The following ANKRD28 variants were observed in gnomAD, a reference collection of about 807,000 sequenced individuals.
ANKRD28 encodes the protein ankyrin repeat domain 28, also known as serine/threonine-protein phosphatase 6 regulatory ankyrin repeat subunit A.
A neutral mutation model predicts 126.5 loss-of-function variants in ANKRD28; 44 were observed. The ratio of observed to expected loss-of-function variants is 0.35; its 90% CI spans 0.27 to 0.45. ANKRD28 has a LOEUF of 0.45. ANKRD28 is among the 20% of genes least tolerant of loss of function. The probability of loss-of-function intolerance (pLI) is 1.00; values close to 1 mark genes in which losing one functional copy is unlikely to be tolerated. For missense variants in ANKRD28, 1,110 were observed against 1,316.6 expected (o/e 0.84, Z 2.43); for synonymous variants, 442 against 468.5 (o/e 0.94, Z 0.73).
intron 2 of ANKRD28, among the ~76,000 whole-genome samples, chr3:15,785,981 G>T (rs2125732627): frequency 6.6e-6 from 1 of 152,038 alleles, no homozygotes; most frequent in East Asian, 1.9e-4. Context: ...TGACATTTTG[G>T]AAAAGGCAAA....
chr3:15,724,389 C>T lies in ANKRD28; in HGVS notation c.776G>A (p.Gly259Glu). 2.5e-6 allele frequency: 4 copies of T among 1,604,832 alleles called. No individual in the cohort carries two copies. Among genetic ancestry groups the T allele is most frequent in the East Asian group, 2.2e-5 (1 of 44,720 alleles). Residue 259 changes from glycine (G) to glutamate (E), a missense_variant, in exon 7 of 28, where the codon GGA (glycine) becomes GAA (glutamate). By Grantham distance (98) the Gly-to-Glu change is moderately conservative. Coordinates refer to ENST00000683139, the MANE Select transcript of ANKRD28 (RefSeq NM_001349278.2). ...TTCAATTAATATACCTACATCAACTCCAAGATCTAGAAGGTACTTGACTAC... is the reference window on the plus strand; with the variant it reads ...TTCAATTAATATACCTACATCAACTTCAAGATCTAGAAGGTACTTGACTAC... ...ISVVKYLLDL[G>E]VDMNEPNAYG... is the part of the protein sequence containing the mutation.
chr3:15,836,943 A>G (rs888328360), intron 1 of ANKRD28, among the ~76,000 whole-genome samples: 10 of 151,998 alleles, frequency 6.6e-5, no homozygotes, highest in Admixed American at 5.9e-4. Flanking sequence ...TACTAAAAAT[A>G]CAAAAAATTA....
chr3:15,760,204 A>G (rs141084710), intron 3 of ANKRD28, among the ~76,000 whole-genome samples: 221 of 152,296 alleles, frequency 1.5e-3, no homozygotes, highest in African/African-American at 5.0e-3. Context: ...GGTGGACGAT[A>G]AGAGGAGAGA....
chr3:15,809,338 C>T (rs1046708134), intron 1 of ANKRD28, among the ~76,000 whole-genome samples: 5 of 152,204 alleles, frequency 3.3e-5, no homozygotes, highest in African/African-American at 9.6e-5. Flanking sequence ...TTCTATACAT[C>T]CTTGTAACAG....
At chr3:15,719,707 T>C (rs976433231) in intron 8 of ANKRD28, among the ~76,000 whole-genome samples, 1 of 151,962 alleles carries the variant, frequency 6.6e-6, no homozygotes, top group Non-Finnish European at 1.5e-5. Context: ...TACCTAGGAC[T>C]ACAGGATAAT....
chr3:15,797,158 T>G lies in ANKRD28; in HGVS notation c.-637A>C. The G allele has an allele frequency of 1.0e-6, 1 of 977,334 alleles. No homozygotes were observed. Among genetic ancestry groups the G allele is most frequent in the Non-Finnish European group, 1.2e-6 (1 of 828,322 alleles). The allele number at this position is 977,334 out of a possible 1,614,324, so 60.5% of individuals were successfully genotyped here. A position where few individuals can be genotyped will look rare whatever the true frequency, so the allele number is the denominator to read the frequency against. ...TCAGCACAAATCCTGAAAATGAAGC[T>G]CAGAGGTTAACAATTCTTTCAGTGT... On this transcript the variant is annotated 5_prime_UTR_variant, in exon 1 of 28. Coordinates refer to ENST00000683139, the MANE Select transcript of ANKRD28 (RefSeq NM_001349278.2).
At chr3:15,777,881 C>CAT (rs1209354548) in intron 2 of ANKRD28, among the ~76,000 whole-genome samples, 1 of 151,170 alleles carries the variant, frequency 6.6e-6, no homozygotes, top group Non-Finnish European at 1.5e-5. Context: ...CACACACACA[C>CAT]ACACACACAC....
rs200759198 is a variant in ANKRD28 at position 15,838,748 on chromosome 3, CAAA to C, written c.27+20626_27+20628del. Among the ~76,000 whole-genome samples, 2 of 136,110 alleles carry C rather than the reference CAAA, an allele frequency of 1.5e-5. No homozygotes were observed. The highest frequency in any genetic ancestry group is 3.1e-5 in the Non-Finnish European group (2 of 64,044). 89.3% of individuals were successfully genotyped at this position (136,110 alleles called of 152,430 possible). ...GGGCAACAAGAACGAAACTCCGTCT[CAAA>C]AAAAAAAAAAAATCTTCGCAAGAGA... On this transcript the variant is annotated intron_variant, in intron 1 of 27. Transcript: ENST00000399451. The surrounding 1 kb of genome is among the most constrained non-coding windows in gnomAD (Gnocchi z 4.0).
In ANKRD28 at chr3:15,839,741, G is replaced by T. The variant is rs949579376; in HGVS notation, c.27+19636C>A. ...TTATCCCCCGAGGGATGCAAGGATGGTTCAACACATGCAATCAATTAATAT... is the reference window on the plus strand; with the variant it reads ...TTATCCCCCGAGGGATGCAAGGATGTTTCAACACATGCAATCAATTAATAT... On this transcript the variant is annotated intron_variant, in intron 1 of 27. Coordinates refer to the ANKRD28 transcript ENST00000399451. The surrounding 1 kb of genome is among the most constrained non-coding windows in gnomAD (Gnocchi z 4.3). Among the ~76,000 whole-genome samples the T allele has an allele frequency of 2.0e-5, 3 of 152,148 alleles. No individual in the cohort carries two copies. Among genetic ancestry groups the T allele is most frequent in the Non-Finnish European group, 2.9e-5 (2 of 68,020 alleles).
At chr3:15,811,544 T>A (rs1407421974) in intron 1 of ANKRD28, among the ~76,000 whole-genome samples, 2 of 152,186 alleles carry the variant, frequency 1.3e-5, no homozygotes, top group East Asian at 3.9e-4. Flanking sequence ...AACCTCTGTC[T>A]CCTGGGTTCA....
Position 15,797,202 on chromosome 3 carries a change from A to C in ANKRD28, c.-681T>G, listed in dbSNP as rs976049599. On this transcript the variant is annotated 5_prime_UTR_variant, in exon 1 of 28. Transcript: ENST00000683139. ...TCAGTGTTTGGGAAAGGGGCAAAAA[A>C]CAAAAACAAAAAAAAAAAAACCACT... is the stretch of plus-strand genomic sequence containing the variant. 1.0e-5 allele frequency: 9 copies of C among 867,130 alleles called. No homozygotes were observed. Among genetic ancestry groups the C allele is most frequent in the Admixed American group, 2.0e-4 (2 of 9,776 alleles). The allele number at this position is 867,130 out of a possible 1,614,324, so 53.7% of individuals were successfully genotyped here. A position where few individuals can be genotyped will look rare whatever the true frequency, so the allele number is the denominator to read the frequency against.
At chr3:15,848,486 G>C (rs377118402) in intron 1 of ANKRD28, among the ~76,000 whole-genome samples, 1 of 152,004 alleles carries the variant, frequency 6.6e-6, no homozygotes. Flanking sequence ...ACCAGCCTGG[G>C]CAACAGAGGG....
chr3:15,830,011 A>T lies in ANKRD28; in HGVS notation c.27+29366T>A, dbSNP rs2061155792. The stretch of plus-strand genomic sequence containing the variant: ...CATTTTTCCTGTGCAGCATATACTC[A>T]TTTTATCATACAGACACCCCAGGGT... On this transcript the variant is annotated intron_variant, in intron 1 of 27. Coordinates refer to the ANKRD28 transcript ENST00000399451. The surrounding 1 kb of genome is among the most constrained non-coding windows in gnomAD (Gnocchi z 4.5). Among the ~76,000 whole-genome samples, 1 of 151,886 alleles carries T rather than the reference A, an allele frequency of 6.6e-6. No homozygotes were observed. The highest frequency in any genetic ancestry group is 2.1e-4 in the South Asian group (1 of 4,820).
At position 15,667,855 on chromosome 3, in the gene ANKRD28, A is replaced by T. The variant is rs1250698896; in HGVS notation, c.*2415T>A. The T allele has an allele frequency of 3.9e-5, 6 of 152,224 alleles. No individual in the cohort carries two copies. Among genetic ancestry groups the T allele is most frequent in the African/African-American group, 1.2e-4 (5 of 41,472 alleles). The allele number at this position is 152,224 out of a possible 1,614,324, so 9.4% of individuals were successfully genotyped here. A position where few individuals can be genotyped will look rare whatever the true frequency, so the allele number is the denominator to read the frequency against. On this transcript the variant is annotated 3_prime_UTR_variant, in exon 28 of 28. Coordinates refer to ENST00000683139, the MANE Select transcript of ANKRD28 (RefSeq NM_001349278.2). ...GGATAGAAGTTCTGGTGTATGTGAT[A>T]AATTAAAAACAGCTTGTCACTTTAT...
At chr3:15,799,166 T>C (rs2060402074), upstream of ANKRD28, among the ~76,000 whole-genome samples, 1 of 152,174 alleles carries the variant, frequency 6.6e-6, no homozygotes, top group Non-Finnish European at 1.5e-5. Context: ...CAACCTGTAA[T>C]ACTAGCTTAT....
At chr3:15,807,016 G>A (rs966312402) in intron 1 of ANKRD28, among the ~76,000 whole-genome samples, 11 of 152,206 alleles carry the variant, frequency 7.2e-5, no homozygotes, top group Non-Finnish European at 1.6e-4. Flanking sequence ...TAGGGTGACT[G>A]ATTCAGTTAT....
intron 8 of ANKRD28, among the ~76,000 whole-genome samples, chr3:15,716,386 G>C (rs1280575101): frequency 6.6e-6 from 1 of 151,548 alleles, no homozygotes; most frequent in Non-Finnish European, 1.5e-5. Context: ...TGAACTCTAG[G>C]GTTCAAGTGA....
chr3:15,856,077 T>TTA lies in ANKRD28; in HGVS notation c.27+3299_27+3300insTA, dbSNP rs1455329170. ...CAGTTATAAACTGGTTCCTTACTAGTCCCTTTTTAAAACCAAAGCATTAAT... is the reference window on the plus strand; with the variant it reads ...CAGTTATAAACTGGTTCCTTACTAGTTACCCTTTTTAAAACCAAAGCATTAAT... On this transcript the variant is annotated intron_variant, in intron 1 of 27. Transcript: ENST00000399451. Among the ~76,000 whole-genome samples, 2 of 152,216 alleles carry TTA rather than the reference T, an allele frequency of 1.3e-5. 1 individual carries two copies.
At chr3:15,793,353 C>T (rs1418355414) in intron 2 of ANKRD28, among the ~76,000 whole-genome samples, 1 of 152,084 alleles carries the variant, frequency 6.6e-6, no homozygotes, top group Non-Finnish European at 1.5e-5. Context: ...AGAGAAAAGG[C>T]CTAAAAGCAA....
Sources: gnomAD v4.1 joint callset for allele counts (sites outside exome capture counted in the v4.1 genomes callset) on GRCh38, gnomAD v4.1.1 for gene constraint, Gnocchi (gnomAD v3.1) non-coding constraint, MANE v1.5 for transcripts, NCBI Gene and HGNC (gene_info 2026-07-23, HGNC 2026-07-21) for gene names.